GPD2: variants seen among roughly 807,000 people sequenced by gnomAD.
GPD2 encodes the protein glycerol-3-phosphate dehydrogenase 2.
GPD2 carries 54 observed loss-of-function variants against 82.4 expected under a neutral mutation model. That is an observed-to-expected ratio of 0.66 (90% CI 0.53 to 0.82). GPD2 has a LOEUF of 0.82. GPD2 is among the 40% of genes least tolerant of loss of function. The probability of loss-of-function intolerance (pLI) is 0.00; values close to 1 mark genes in which losing one functional copy is unlikely to be tolerated. For missense variants in GPD2, 748 were observed against 896.2 expected, an observed-to-expected ratio of 0.83 and a Z score of 2.11; for synonymous variants, 288 against 306.1, an observed-to-expected ratio of 0.94 and a Z score of 0.62.
chr2:156,448,258 C>T (rs761899684), intron 1 of GPD2, among the ~76,000 whole-genome samples: 1 of 152,056 alleles, frequency 6.6e-6, no homozygotes, highest in Non-Finnish European at 1.5e-5. Context: ...CAAGCACCTG[C>T]CACCATGCCC....
At position 156,575,403 on chromosome 2, in the gene GPD2, T is replaced by TTTTC. The variant is rs1491193441; in HGVS notation, c.1768-3483_1768-3482insCTTT. On this transcript the variant is annotated intron_variant, in intron 13 of 16. Coordinates refer to ENST00000438166, the MANE Select transcript of GPD2 (RefSeq NM_000408.5). Reference sequence around the variant, plus strand: ...TATCATTTTCTTTTCTTTTCTTTTCTTTTTTTTTTTTTTTTTTGAGACAAG... The same window carrying TTTTC: ...TATCATTTTCTTTTCTTTTCTTTTCTTTTCTTTTTTTTTTTTTTTTTGAGACAAG... Among the ~76,000 whole-genome samples the TTTTC allele has an allele frequency of 0.028, 26 of 926 alleles. No homozygotes were observed. In the East Asian group the frequency reaches 0.31, roughly 11 times the overall value. 0.6% of individuals were successfully genotyped at this position (926 alleles called of 152,430 possible).
intron 6 of GPD2, among the ~76,000 whole-genome samples, chr2:156,535,473 G>A (rs531431921): frequency 3.5e-4 from 52 of 147,392 alleles, no homozygotes; most frequent in African/African-American, 1.2e-3. Flanking sequence ...AGAAAGACCT[G>A]GGAAAGAGAA....
At chr2:156,538,286 A>G (rs1686156539) in intron 6 of GPD2, among the ~76,000 whole-genome samples, 1 of 152,174 alleles carries the variant, frequency 6.6e-6, no homozygotes, top group South Asian at 2.1e-4. Flanking sequence ...CTCACAGCCT[A>G]TTGAATCATG....
intron 1 of GPD2, among the ~76,000 whole-genome samples, chr2:156,453,986 TG>T (rs1406652958): frequency 1.3e-5 from 2 of 152,120 alleles, no homozygotes; most frequent in African/African-American, 4.8e-5. Context: ...TAGCAGTAGT[TG>T]GGTAGATGAC....
chr2:156,463,645 A>G (rs1683060214), intron 1 of GPD2, among the ~76,000 whole-genome samples: 1 of 152,246 alleles, frequency 6.6e-6, no homozygotes, highest in South Asian at 2.1e-4. Context: ...AGAGCAAGTT[A>G]GTGGAAGAGA....
chr2:156,464,395 G>C (rs1017792817), intron 1 of GPD2, among the ~76,000 whole-genome samples: 11 of 152,016 alleles, frequency 7.2e-5, no homozygotes, highest in African/African-American at 2.7e-4. Flanking sequence ...CTTTGTTGTA[G>C]TTCCATTTAT....
chr2:156,452,724 AGAG>A (rs1340332935), intron 1 of GPD2, among the ~76,000 whole-genome samples: 1 of 152,258 alleles, frequency 6.6e-6, no homozygotes, highest in African/African-American at 2.4e-5. Flanking sequence ...TAAGTAGAGA[AGAG>A]GAGCTGATGA....
At chr2:156,569,990 T>C (rs539362814) in intron 11 of GPD2, 97 bp from the exon 12 acceptor site, 7 of 1,084,564 alleles carry the variant, frequency 6.5e-6, no homozygotes, top group Non-Finnish European at 8.5e-6. Context: ...TTACAGGCTG[T>C]AAGAAAACTG....
rs1251109613 is a variant in GPD2 at position 156,535,402 on chromosome 2, GGA to G, written c.662-14195_662-14194del. Among the ~76,000 whole-genome samples the G allele has an allele frequency of 5.8e-3, 592 of 102,324 alleles. 7 individuals carry two copies. The highest frequency in any genetic ancestry group is 0.03 in the Middle Eastern group (3 of 100). 67.1% of individuals were successfully genotyped at this position (102,324 alleles called of 152,430 possible). A position where few individuals can be genotyped will look rare whatever the true frequency, so the allele number is the denominator to read the frequency against. On this transcript the variant is annotated intron_variant, in intron 6 of 16. Coordinates refer to ENST00000438166, the MANE Select transcript of GPD2 (RefSeq NM_000408.5). ...GAGAAAAAGACCTGGGGGGGGGCGGGGAGAGAGAGAGACCTAGGAAAGAGAGG... is the reference window on the plus strand; with the variant it reads ...GAGAAAAAGACCTGGGGGGGGGCGGGGAGAGAGAGACCTAGGAAAGAGAGG...
chr2:156,503,818 G>A (rs529909157), intron 3 of GPD2, among the ~76,000 whole-genome samples: 10 of 152,010 alleles, frequency 6.6e-5, no homozygotes, highest in Non-Finnish European at 1.0e-4. Flanking sequence ...AAACCAGGAG[G>A]CCATTAGTAT....
At chr2:156,469,523 TG>T (rs1198453678) in intron 1 of GPD2, among the ~76,000 whole-genome samples, 1 of 152,234 alleles carries the variant, frequency 6.6e-6, no homozygotes, top group East Asian at 1.9e-4. Flanking sequence ...ACCACATTTT[TG>T]TTATCCATTT....
chr2:156,469,664 C>A (rs888983767), intron 1 of GPD2, among the ~76,000 whole-genome samples: 1 of 152,126 alleles, frequency 6.6e-6, no homozygotes, highest in African/African-American at 2.4e-5. Flanking sequence ...GACAGCAAGG[C>A]TGGTCGTTGA....
chr2:156,494,859 A>G (rs149640869), intron 2 of GPD2, among the ~76,000 whole-genome samples: 1 of 152,362 alleles, frequency 6.6e-6, no homozygotes, highest in Non-Finnish European at 1.5e-5. Flanking sequence ...CATTTTGGAA[A>G]AAAACCAAAC....
chr2:156,558,976 T>C (rs930617992), intron 9 of GPD2, among the ~76,000 whole-genome samples: 3 of 151,984 alleles, frequency 2.0e-5, no homozygotes, highest in Non-Finnish European at 4.4e-5. Flanking sequence ...TCCCCATCCC[T>C]GCATTCTGTG....
chr2:156,415,435 G>A, the GPD2 span, among the ~76,000 whole-genome samples: 1 of 151,900 alleles, frequency 6.6e-6, no homozygotes, highest in Non-Finnish European at 1.5e-5. Flanking sequence ...TGGGATTACA[G>A]GAATAAGACA....
chr2:156,465,180 C>T lies in GPD2; in HGVS notation c.-8-10918C>T, dbSNP rs138677696. 2.8e-3 allele frequency among the ~76,000 whole-genome samples: 425 copies of T among 152,226 alleles called. 2 individuals are homozygous for T. Among genetic ancestry groups the T allele is most frequent in the African/African-American group, 9.7e-3 (405 of 41,540 alleles). On this transcript the variant is annotated intron_variant, in intron 1 of 16. Coordinates refer to ENST00000438166, the MANE Select transcript of GPD2 (RefSeq NM_000408.5). ...CTTTGTTTTCTTACAAAACATTTTA[C>T]AGTATGTATTCAACAGCCATGATTG...
At chr2:156,473,967 G>C (rs1477216594) in intron 1 of GPD2, among the ~76,000 whole-genome samples, 1 of 151,958 alleles carries the variant, frequency 6.6e-6, no homozygotes, top group African/African-American at 2.4e-5. Flanking sequence ...ATAGCAAAGG[G>C]ACAGTAAAGA....
At chr2:156,485,052 A>G (rs1447452774) in intron 2 of GPD2, among the ~76,000 whole-genome samples, 1 of 152,184 alleles carries the variant, frequency 6.6e-6, no homozygotes, top group Non-Finnish European at 1.5e-5. Flanking sequence ...ACTTAGCATA[A>G]TGTCCTCCAG....
At chr2:156,488,060 A>G (rs2105224773) in intron 2 of GPD2, among the ~76,000 whole-genome samples, 1 of 152,310 alleles carries the variant, frequency 6.6e-6, no homozygotes. Flanking sequence ...CTTCATTCTC[A>G]GCTACCCCAG....
Sources: allele counts gnomAD v4.1 joint callset (sites outside exome capture counted in the v4.1 genomes callset), GRCh38; gene constraint gnomAD v4.1.1; transcripts MANE v1.5; gene names NCBI Gene and HGNC (gene_info 2026-07-23, HGNC 2026-07-21).